Variants in CDC27 observed in about 807,000 individuals in gnomAD.
CDC27 encodes the protein cell division cycle 27, also known as cell division cycle protein 27 homolog.
A neutral mutation model predicts 109.7 loss-of-function variants in CDC27; 27 were observed. That is an observed-to-expected ratio of 0.25 (90% CI 0.18 to 0.34). The LOEUF is 0.34. CDC27 is among the 10% of genes least tolerant of loss of function. The pLI, the probability that CDC27 is intolerant of heterozygous loss-of-function variation, is 1.00. For missense variants in CDC27, 579 were observed against 960.2 expected, an observed-to-expected ratio of 0.60 and a Z score of 5.25; for synonymous variants, 266 against 333.9, an observed-to-expected ratio of 0.80 and a Z score of 2.22.
At chr17:47,181,278 A>AC (rs2064223430) in intron 2 of CDC27, 2 of 158,786 alleles carry the variant, frequency 1.3e-5, no homozygotes, top group Non-Finnish European at 2.7e-5. Flanking sequence ...AAAAAAAAAA[A>AC]AAAAAAAACC....
intron 12 of CDC27, among the ~76,000 whole-genome samples, chr17:47,140,877 C>G (rs1167071872): frequency 6.6e-6 from 1 of 152,158 alleles, no homozygotes; most frequent in Non-Finnish European, 1.5e-5. Context: ...GAAAGAACAC[C>G]TTTCCCCTAG....
intron 2 of CDC27, among the ~76,000 whole-genome samples, chr17:47,173,711 A>C (rs1326514725): frequency 6.6e-6 from 1 of 152,228 alleles, no homozygotes; most frequent in Non-Finnish European, 1.5e-5. Context: ...TTTTAGTGTA[A>C]TACTGCAATT....
At chr17:47,151,610 C>A (rs941802029) in intron 9 of CDC27, among the ~76,000 whole-genome samples, 196 bp downstream of exon 9, 2 of 152,154 alleles carry the variant, frequency 1.3e-5, no homozygotes, top group Non-Finnish European at 2.9e-5. Context: ...CTTTAGTTAA[C>A]TATTGTCTTC....
intron 18 of CDC27, 142 bp from the exon 19 acceptor site, chr17:47,121,159 A>G: frequency 4.9e-6 from 3 of 611,714 alleles, no homozygotes; most frequent in Non-Finnish European, 8.7e-6. Context: ...CATATCCTTT[A>G]ATAAAATGCA....
chr17:47,143,123 C>T (rs1490109076), intron 10 of CDC27, among the ~76,000 whole-genome samples: 3 of 151,996 alleles, frequency 2.0e-5, no homozygotes, highest in Non-Finnish European at 4.4e-5. Flanking sequence ...AAGAGTACTA[C>T]CATCCCAGCT....
At chr17:47,122,354 G>A (rs939603364) in intron 18 of CDC27, 90 bp downstream of exon 18, 1 of 925,358 alleles carries the variant, frequency 1.1e-6, no homozygotes, top group African/African-American at 1.7e-5. Context: ...AAAACACCAT[G>A]GTTAGAAAAA....
In CDC27 at chr17:47,154,682, G is replaced by A. The variant is rs1478549159; in HGVS notation, c.947C>T (p.Pro316Leu). 2 of 1,560,312 alleles carry A rather than the reference G, an allele frequency of 1.3e-6. No homozygotes were observed. The highest frequency in any genetic ancestry group is 1.4e-5 in the African/African-American group (1 of 73,184). The change falls in exon 8 of 19, where the codon CCT becomes CTT. Residue 316 changes from proline to leucine, a missense_variant. Physicochemically the swap from Pro to Leu is moderately conservative, Grantham distance 98 (BLOSUM62 -3). Coordinates refer to ENST00000066544, the MANE Select transcript of CDC27 (RefSeq NM_001256.6). Reference sequence around the variant, plus strand: ...TTACATGGAAAATACCTTTTTTGAAGGGGCTCCGGTGGATGGCACATCAAT... The same window carrying A: ...TTACATGGAAAATACCTTTTTTGAAAGGGCTCCGGTGGATGGCACATCAAT... ...PVIDVPSTGA[P>L]SKKSVARIGQ...
chr17:47,139,910 T>C (rs2062742496), intron 12 of CDC27: 1 of 151,948 alleles, frequency 6.6e-6, no homozygotes, highest in East Asian at 1.9e-4. Context: ...ATTTAGGTTA[T>C]ATAAAATCAG....
intron 4 of CDC27, among the ~76,000 whole-genome samples, chr17:47,163,687 T>C (rs1009166195): frequency 2.6e-5 from 4 of 152,256 alleles, no homozygotes; most frequent in African/African-American, 9.6e-5. Flanking sequence ...TTAATGATTT[T>C]ATCTGAATAG....
intron 2 of CDC27, among the ~76,000 whole-genome samples, chr17:47,174,912 T>C (rs2063935842): frequency 6.6e-6 from 1 of 151,686 alleles, no homozygotes; most frequent in Non-Finnish European, 1.5e-5. Flanking sequence ...GCCGAGATCA[T>C]GCCACTGCAC....
At chr17:47,149,900 A>G (rs1237089604) in intron 9 of CDC27, among the ~76,000 whole-genome samples, 1 of 152,202 alleles carries the variant, frequency 6.6e-6, no homozygotes, top group African/African-American at 2.4e-5. Flanking sequence ...GGTTGCAGTG[A>G]GCCGAGATTG....
chr17:47,124,209 A>C lies in CDC27; in HGVS notation c.2161-249T>G, dbSNP rs1401940150. Among the ~76,000 whole-genome samples, 3 of 148,424 alleles carry C rather than the reference A, an allele frequency of 2.0e-5. 1 individual carries two copies. Among genetic ancestry groups the C allele is most frequent in the South Asian group, 4.3e-4 (2 of 4,688 alleles). ...CACACACACACACACACACACACACACCCCTCTTCGTGAAATATGCAGGTG... is the reference window on the plus strand; with the variant it reads ...CACACACACACACACACACACACACCCCCCTCTTCGTGAAATATGCAGGTG... On this transcript the variant is annotated intron_variant, in intron 16 of 18. Transcript: ENST00000066544.
chr17:47,135,405 C>T (rs922646861), intron 14 of CDC27, among the ~76,000 whole-genome samples: 7 of 149,390 alleles, frequency 4.7e-5, no homozygotes, highest in Non-Finnish European at 8.9e-5. Flanking sequence ...ATGGCCATAA[C>T]TAGATGATGA....
chr17:47,181,938 C>T (rs758042275), intron 1 of CDC27, among the ~76,000 whole-genome samples: 3 of 152,180 alleles, frequency 2.0e-5, no homozygotes, highest in South Asian at 2.1e-4. Flanking sequence ...ATAAACTGCT[C>T]GTCCCTAAAG....
At chr17:47,150,177 A>C (rs1304547572) in intron 9 of CDC27, among the ~76,000 whole-genome samples, 1 of 152,228 alleles carries the variant, frequency 6.6e-6, no homozygotes, top group Non-Finnish European at 1.5e-5. Context: ...GCAAACCTTG[A>C]TAAGTTAAAA....
intron 9 of CDC27, among the ~76,000 whole-genome samples, chr17:47,149,060 C>T (rs1199194341): frequency 7.4e-5 from 5 of 68,014 alleles, no homozygotes; most frequent in African/African-American, 2.4e-4. Context: ...GCCCAGGCAA[C>T]AAGCAAGACT....
rs2063360037 is a variant in CDC27, at chr17:47,157,700, A to G, written c.476-316T>C. Among the ~76,000 whole-genome samples, 4 of 152,338 alleles carry G rather than the reference A, an allele frequency of 2.6e-5. No individual in the cohort carries two copies. In the South Asian group the frequency reaches 8.3e-4, roughly 32 times the overall value. ...AACTAGATCTCATTTTTCTCAAAGT[A>G]GGAGATGAGGTTGAAGAGTTAAAAC... On this transcript the variant is annotated intron_variant, in intron 5 of 18. Transcript: ENST00000066544.
At chr17:47,125,694 C>T (rs893691849) in intron 16 of CDC27, among the ~76,000 whole-genome samples, 1 of 152,046 alleles carries the variant, frequency 6.6e-6, no homozygotes, top group African/African-American at 2.4e-5. Flanking sequence ...CAGGCGCCCG[C>T]CACCATGCCT....
At chr17:47,166,315 A>G (rs1180071853) in intron 4 of CDC27, among the ~76,000 whole-genome samples, 1 of 152,096 alleles carries the variant, frequency 6.6e-6, no homozygotes, top group Non-Finnish European at 1.5e-5. Flanking sequence ...TCAGATTTCT[A>G]TTTCTTAGGT....
Sources: gnomAD v4.1 joint callset for allele counts (sites outside exome capture counted in the v4.1 genomes callset) on GRCh38, gnomAD v4.1.1 for gene constraint, MANE v1.5 for transcripts, NCBI Gene and HGNC (gene_info 2026-07-23, HGNC 2026-07-21) for gene names.